The following LRRTM4 variants were observed in gnomAD, a reference collection of about 807,000 sequenced individuals.
LRRTM4 encodes leucine-rich repeat transmembrane neuronal protein 4.
Under a neutral mutation model 47.6 loss-of-function variants are expected in LRRTM4, and 25 were observed. The ratio of observed to expected loss-of-function variants is 0.53; its 90% CI spans 0.38 to 0.73. The LOEUF is 0.73. Ranked by LOEUF, LRRTM4 falls within the 30% of genes least tolerant of loss-of-function variation. The probability of loss-of-function intolerance (pLI) is 0.00; values close to 1 mark genes in which losing one functional copy is unlikely to be tolerated. For synonymous variants in LRRTM4, 311 were observed against 269.5 expected, an observed-to-expected ratio of 1.15 and a Z score of -1.51; for missense variants, 638 against 713.4, an observed-to-expected ratio of 0.89 and a Z score of 1.20.
At chr2:77,425,551 G>T (rs373968497) in intron 3 of LRRTM4, among the ~76,000 whole-genome samples, 3 of 151,992 alleles carry the variant, frequency 2.0e-5, no homozygotes, top group Non-Finnish European at 4.4e-5. Context: ...ATTCCTCAAG[G>T]CTCCCTCTAA....
intron 3 of LRRTM4, among the ~76,000 whole-genome samples, chr2:76,786,918 C>T (rs555614071): frequency 5.9e-5 from 9 of 152,038 alleles, no homozygotes; most frequent in Non-Finnish European, 1.3e-4. Flanking sequence ...TTTTGACACT[C>T]TGATTGGCTG....
intron 3 of LRRTM4, among the ~76,000 whole-genome samples, chr2:77,389,701 C>T (rs530119102): frequency 6.6e-6 from 1 of 151,986 alleles, no homozygotes; most frequent in Non-Finnish European, 1.5e-5. Context: ...TTCAAGAAAG[C>T]ACCGCCAAAT....
chr2:76,870,938 C>G (rs1274042217), intron 3 of LRRTM4, among the ~76,000 whole-genome samples: 1 of 152,140 alleles, frequency 6.6e-6, no homozygotes, highest in Non-Finnish European at 1.5e-5. Context: ...ATCACCCTAT[C>G]TTTGTACTAA....
In LRRTM4 at chr2:76,944,929, A is replaced by G. The variant is rs546345420; in HGVS notation, c.1552-196013T>C. Reference sequence around the variant, plus strand: ...TTCTACAGCTCAGGTATAAGAAGGAAGATGACAGAGCTTCCTTGGGAAGTT... The same window carrying G: ...TTCTACAGCTCAGGTATAAGAAGGAGGATGACAGAGCTTCCTTGGGAAGTT... On this transcript the variant is annotated intron_variant, in intron 3 of 3. Coordinates refer to ENST00000409884, the MANE Select transcript of LRRTM4 (RefSeq NM_001134745.3). Among the ~76,000 whole-genome samples the G allele has an allele frequency of 2.0e-5, 3 of 152,246 alleles. No individual in the cohort carries two copies. The South Asian group carries it at 6.2e-4, about 32-fold the overall frequency.
chr2:77,272,724 T>C lies in LRRTM4; in HGVS notation c.1551+245594A>G, dbSNP rs181441583. ...ACTTGGTCACAGAGTGAGTGAATTC[T>C]CACTCTATTTGATCCCATGAGAGCT... is the stretch of plus-strand genomic sequence containing the variant. On this transcript the variant is annotated intron_variant, in intron 3 of 3. Transcript: ENST00000409884. Among the ~76,000 whole-genome samples, 289 of 152,196 alleles carry C rather than the reference T, an allele frequency of 1.9e-3. 1 individual carries two copies. The highest frequency in any genetic ancestry group is 3.5e-3 in the Non-Finnish European group (237 of 68,004).
intron 3 of LRRTM4, among the ~76,000 whole-genome samples, chr2:76,822,243 T>C (rs778449434): frequency 1.6e-4 from 24 of 150,988 alleles, no homozygotes; most frequent in Admixed American, 2.7e-4. Flanking sequence ...CAAGAGATAC[T>C]AAGGCCTGAA....
intron 3 of LRRTM4, among the ~76,000 whole-genome samples, chr2:77,303,744 TA>T (rs1343265445): frequency 2.0e-5 from 3 of 152,248 alleles, no homozygotes; most frequent in Admixed American, 6.5e-5. Flanking sequence ...TCATGTAATA[TA>T]ATGTTCTCCA....
chr2:76,946,871 G>A (rs756280842), intron 3 of LRRTM4, among the ~76,000 whole-genome samples: 61 of 151,798 alleles, frequency 4.0e-4, no homozygotes, highest in Non-Finnish European at 7.8e-4. Context: ...TTATTTATGC[G>A]CCATTATTTG....
chr2:77,316,484 C>T (rs549470346), intron 3 of LRRTM4, among the ~76,000 whole-genome samples: 19 of 151,570 alleles, frequency 1.3e-4, no homozygotes, highest in Admixed American at 1.2e-3. Context: ...CAGAGCTGGC[C>T]AGTGTTTGGC....
At position 77,121,569 on chromosome 2, in the gene LRRTM4, G is replaced by A. The variant is rs150027058; in HGVS notation, c.1552-372653C>T. ...CACACATAGATGATTTTTATGCCAT[G>A]AAATATATAAAACTGAAATAGTTCA... On this transcript the variant is annotated intron_variant, in intron 3 of 3. Coordinates refer to ENST00000409884, the MANE Select transcript of LRRTM4 (RefSeq NM_001134745.3). Among the ~76,000 whole-genome samples, 517 of 151,900 alleles carry A rather than the reference G, an allele frequency of 3.4e-3. 3 individuals are homozygous for A. The highest frequency in any genetic ancestry group is 0.014 in the Middle Eastern group (4 of 294).
intron 3 of LRRTM4, among the ~76,000 whole-genome samples, chr2:77,062,510 G>A (rs1253694824): frequency 2.0e-5 from 3 of 152,098 alleles, no homozygotes; most frequent in African/African-American, 4.8e-5. Context: ...ATCTGATCTG[G>A]TAATTATTGC....
At chr2:77,353,553 C>A (rs996295375) in intron 3 of LRRTM4, among the ~76,000 whole-genome samples, 2 of 152,140 alleles carry the variant, frequency 1.3e-5, no homozygotes, top group African/African-American at 4.8e-5. Context: ...GCACATATGT[C>A]TTTCCTGAAC....
chr2:77,103,623 C>A (rs1671014142), intron 3 of LRRTM4, among the ~76,000 whole-genome samples: 1 of 142,522 alleles, frequency 7.0e-6, no homozygotes. Flanking sequence ...CAATGTAATT[C>A]AGGAGAGTGT....
intron 3 of LRRTM4, among the ~76,000 whole-genome samples, chr2:76,905,114 T>C (rs1444965351): frequency 6.6e-6 from 1 of 152,130 alleles, no homozygotes; most frequent in East Asian, 1.9e-4. Flanking sequence ...AGGGGCAGAC[T>C]GACACCTCAC....
At chr2:77,003,368 C>G (rs545316880) in intron 3 of LRRTM4, among the ~76,000 whole-genome samples, 2 of 151,836 alleles carry the variant, frequency 1.3e-5, no homozygotes, top group Non-Finnish European at 2.9e-5. Context: ...GCACCCCCAC[C>G]GAAATCTCAC....
At chr2:77,459,016 A>G (rs1676673460) in intron 3 of LRRTM4, among the ~76,000 whole-genome samples, 1 of 152,024 alleles carries the variant, frequency 6.6e-6, no homozygotes, top group Non-Finnish European at 1.5e-5. Context: ...AAATGTTTAT[A>G]ATACTGTATG....
At chr2:77,483,037 CTTGAACCT>C (rs1032347741) in intron 3 of LRRTM4, among the ~76,000 whole-genome samples, 30 of 136,892 alleles carry the variant, frequency 2.2e-4, no homozygotes, top group African/African-American at 8.2e-4. Context: ...AGGAGAATTG[CTTGAACCT>C]GAGAGGCAGA....
intron 3 of LRRTM4, among the ~76,000 whole-genome samples, chr2:77,504,703 C>A (rs536242367): frequency 6.6e-6 from 1 of 151,508 alleles, no homozygotes; most frequent in African/African-American, 2.4e-5. Context: ...AATACAGACT[C>A]AAGGAGCTGA....
chr2:76,998,341 G>A (rs1163345553), intron 3 of LRRTM4, among the ~76,000 whole-genome samples: 1 of 152,016 alleles, frequency 6.6e-6, no homozygotes, highest in African/African-American at 2.4e-5. Context: ...GAGAGCTGAG[G>A]GATTTGGATC....
Sources: allele counts gnomAD v4.1 joint callset (sites outside exome capture counted in the v4.1 genomes callset), GRCh38; gene constraint gnomAD v4.1.1; transcripts MANE v1.5; gene names NCBI Gene and HGNC (gene_info 2026-07-23, HGNC 2026-07-21).